Variants in SNX13 observed in about 807,000 individuals in gnomAD.
The protein encoded by SNX13 is sorting nexin-13.
In SNX13, 45 loss-of-function variants were observed where a neutral mutation model predicts 133.6. The ratio of observed to expected loss-of-function variants is 0.34; its 90% CI spans 0.27 to 0.43. The LOEUF (loss-of-function observed/expected upper bound fraction) is 0.43, where lower values mean the gene tolerates loss of function less well. Ranked by LOEUF, SNX13 falls within the 20% of genes least tolerant of loss-of-function variation. The pLI, the probability that SNX13 is intolerant of heterozygous loss-of-function variation, is 1.00. For synonymous variants in SNX13, 414 were observed against 373.9 expected, an observed-to-expected ratio of 1.11 and a Z score of -1.24; for missense variants, 1,032 against 1,145.1, an observed-to-expected ratio of 0.90 and a Z score of 1.43.
intron 19 of SNX13, among the ~76,000 whole-genome samples, chr7:17,815,611 T>A (rs1786569709): frequency 6.6e-6 from 1 of 152,042 alleles, no homozygotes; most frequent in Non-Finnish European, 1.5e-5. Context: ...TAAATAAAAA[T>A]GGTACGAAAT....
intron 11 of SNX13, among the ~76,000 whole-genome samples, chr7:17,848,891 T>C (rs1258602362): frequency 2.0e-5 from 3 of 152,182 alleles, no homozygotes; most frequent in African/African-American, 7.2e-5. Flanking sequence ...ATGCTCAGGT[T>C]TTCCTGCAAT....
intron 1 of SNX13, among the ~76,000 whole-genome samples, chr7:17,918,471 G>A (rs918686352): frequency 6.6e-6 from 1 of 151,928 alleles, no homozygotes; most frequent in African/African-American, 2.4e-5. Flanking sequence ...CAAAGGATAT[G>A]AACAGCCACT....
At chr7:17,882,818 A>G in intron 5 of SNX13, 1 of 1,248,940 alleles carries the variant, frequency 8.0e-7, no homozygotes, top group Non-Finnish European at 1.0e-6. Flanking sequence ...CAGAATTTAA[A>G]TTACATATTC....
chr7:17,856,233 A>G (rs925899907), intron 9 of SNX13, among the ~76,000 whole-genome samples: 2 of 152,238 alleles, frequency 1.3e-5, no homozygotes, highest in Non-Finnish European at 2.9e-5. Flanking sequence ...AATCAAAGTT[A>G]ATTTGTCATC....
Position 17,826,030 on chromosome 7 carries a change from G to A in SNX13, c.1697C>T (p.Ser566Leu). The A allele has an allele frequency of 6.5e-7, 1 of 1,546,406 alleles. No individual in the cohort carries two copies. The highest frequency in any genetic ancestry group is 2.4e-5 in the East Asian group (1 of 42,196). The change falls in exon 17 of 26, where the codon TCA becomes TTA. Residue 566 changes from serine to leucine, a missense_variant. Transcript: ENST00000428135. ...ACTTCAAACTCTCTTACCTGTGTCTGAAATGTAGGCATGAAGTTGTACTGA... is the reference window on the plus strand; with the variant it reads ...ACTTCAAACTCTCTTACCTGTGTCTAAAATGTAGGCATGAAGTTGTACTGA... ...DDSVQLHAYI[S>L]DTGVCNDHGK...
intron 1 of SNX13, among the ~76,000 whole-genome samples, chr7:17,921,267 A>G (rs1408547903): frequency 2.0e-5 from 3 of 152,204 alleles, no homozygotes; most frequent in African/African-American, 4.8e-5. Flanking sequence ...ACTAATAATG[A>G]ACCCACTAAG....
At chr7:17,795,425 T>C (rs1000821830) in intron 25 of SNX13, 1 of 151,704 alleles carries the variant, frequency 6.6e-6, no homozygotes, top group Non-Finnish European at 1.5e-5. Context: ...TATGTATATA[T>C]AAATTTATAT....
chr7:17,919,011 T>C (rs1799847691), intron 1 of SNX13, among the ~76,000 whole-genome samples: 1 of 152,184 alleles, frequency 6.6e-6, no homozygotes, highest in Non-Finnish European at 1.5e-5. Context: ...AACTACCATG[T>C]TCTCACTTAA....
chr7:17,844,348 A>G (rs1175665117), intron 12 of SNX13, among the ~76,000 whole-genome samples: 1 of 152,026 alleles, frequency 6.6e-6, no homozygotes, highest in African/African-American at 2.4e-5. Flanking sequence ...ACCAAAACTA[A>G]ATCATGAAGG....
At chr7:17,850,594 A>G (rs1258442312) in intron 10 of SNX13, among the ~76,000 whole-genome samples, 159 bp from the exon 11 acceptor site, 1 of 152,184 alleles carries the variant, frequency 6.6e-6, no homozygotes, top group Non-Finnish European at 1.5e-5. Flanking sequence ...TTATTTAATT[A>G]AAAGTAAACC....
chr7:17,862,593 T>A (rs997128038), intron 9 of SNX13, among the ~76,000 whole-genome samples: 2 of 152,230 alleles, frequency 1.3e-5, no homozygotes, highest in African/African-American at 4.8e-5. Context: ...ATGCAAAAGA[T>A]ATGAACAATT....
intron 9 of SNX13, among the ~76,000 whole-genome samples, chr7:17,857,701 C>T (rs1406088162): frequency 6.6e-6 from 1 of 152,018 alleles, no homozygotes; most frequent in East Asian, 1.9e-4. Flanking sequence ...GGGAGAATTG[C>T]TTGAACCTGG....
intron 1 of SNX13, 67 bp downstream of exon 1, chr7:17,940,217 C>T (rs953412244): frequency 1.3e-6 from 2 of 1,549,312 alleles, no homozygotes; most frequent in Non-Finnish European, 1.7e-6. Flanking sequence ...AGATGATGTT[C>T]TCTGACGGGC....
chr7:17,806,543 A>C (rs917324911), intron 20 of SNX13, among the ~76,000 whole-genome samples: 2 of 152,236 alleles, frequency 1.3e-5, no homozygotes, highest in Non-Finnish European at 2.9e-5. Context: ...AAAGAGGTCA[A>C]CATGACCTTG....
chr7:17,842,628 C>T (rs893346345), intron 12 of SNX13, among the ~76,000 whole-genome samples: 8 of 151,690 alleles, frequency 5.3e-5, no homozygotes, highest in South Asian at 2.1e-4. Flanking sequence ...AAGACGAATA[C>T]GATTTTAAAA....
chr7:17,890,593 G>A (rs1456453634), intron 4 of SNX13, 109 bp from the exon 5 acceptor site: 10 of 683,108 alleles, frequency 1.5e-5, no homozygotes, highest in African/African-American at 9.3e-5. Flanking sequence ...TACTCTCTAC[G>A]TATTAATTTA....
chr7:17,853,257 C>T (rs1303475546), intron 9 of SNX13, among the ~76,000 whole-genome samples: 1 of 151,732 alleles, frequency 6.6e-6, no homozygotes. Context: ...TGTCAATAAG[C>T]AAATAAAGTT....
At chr7:17,800,527 G>C (rs1562650865) in intron 22 of SNX13, among the ~76,000 whole-genome samples, 1 of 151,718 alleles carries the variant, frequency 6.6e-6, no homozygotes, top group East Asian at 1.9e-4. Flanking sequence ...CTTAAATGTT[G>C]TTACAGTAAA....
rs377658488 is a variant in SNX13, at chr7:17,821,533, G to C, written c.1821C>G (p.Asp607Glu). The C allele has an allele frequency of 6.2e-7, 1 of 1,612,886 alleles. No individual in the cohort carries two copies. The highest frequency in any genetic ancestry group is 8.5e-7 in the Non-Finnish European group (1 of 1,179,442). The change falls in exon 18 of 26, where the codon GAC becomes GAG. Residue 607 changes from aspartate (D) to glutamate (E), a missense_variant. Transcript: ENST00000428135. ...CCTGTTCAGTGATTCTCATGTGGAAGTCATGGAAGTCACTATAACGACGAT... is the reference window on the plus strand; with the variant it reads ...CCTGTTCAGTGATTCTCATGTGGAACTCATGGAAGTCACTATAACGACGAT... ...KTYRRYSDFH[D>E]FHMRITEQFE... is the part of the protein sequence containing the mutation.
Sources: gnomAD v4.1 joint callset for allele counts (sites outside exome capture counted in the v4.1 genomes callset) on GRCh38, gnomAD v4.1.1 for gene constraint, MANE v1.5 for transcripts, NCBI Gene and HGNC (gene_info 2026-07-23, HGNC 2026-07-21) for gene names.